Variants in ARMC8 observed in about 807,000 individuals in gnomAD.
ARMC8 encodes armadillo repeat-containing protein 8.
Under a neutral mutation model 99.3 loss-of-function variants are expected in ARMC8, and 20 were observed. The observed-to-expected ratio is 0.20, with a 90% CI of 0.14 to 0.29. ARMC8 has a LOEUF of 0.29. Among genes scored for constraint, ARMC8 ranks in the 10% least tolerant of loss-of-function variants. The pLI is 1.00. For missense variants in ARMC8, 569 were observed against 809.5 expected (o/e 0.70, Z 3.60); for synonymous variants, 263 against 278.3 (o/e 0.95, Z 0.55).
At chr3:138,288,902 G>T in intron 19 of ARMC8, 146 bp from the exon 20 acceptor site, 3 of 607,394 alleles carry the variant, frequency 4.9e-6, no homozygotes, top group Non-Finnish European at 8.8e-6. Context: ...CTCCCAAAGT[G>T]CTGGGATTAC....
At chr3:138,246,331 C>T (rs1302260802) in intron 12 of ARMC8, 4 of 985,232 alleles carry the variant, frequency 4.1e-6, no homozygotes, top group Non-Finnish European at 4.8e-6. Flanking sequence ...TTTAGTGTAT[C>T]CCTATGAAAA....
chr3:138,249,740 G>A (rs111415342), intron 12 of ARMC8, among the ~76,000 whole-genome samples: 4 of 152,226 alleles, frequency 2.6e-5, no homozygotes, highest in African/African-American at 9.6e-5. Flanking sequence ...ACTGGGTAGA[G>A]GGAAGGAGAG....
intron 1 of ARMC8, chr3:138,188,432 T>G (rs907182593): frequency 1.1e-4 from 181 of 1,587,486 alleles, no homozygotes; most frequent in Non-Finnish European, 1.5e-4. Flanking sequence ...CTTTCACCTT[T>G]CACTATGTTG....
At position 138,187,527 on chromosome 3, in the gene ARMC8, C is replaced by G; in HGVS notation, c.-28C>G. On this transcript the variant is annotated 5_prime_UTR_variant, in exon 1 of 22. Coordinates refer to ENST00000469044, the MANE Select transcript of ARMC8 (RefSeq NM_001363941.2). ...AAAGTGCCGGCCCCCGCGCCGGCGCCTGCAGCAGCCGGGTGGGAAGGCTCA... is the reference window on the plus strand; with the variant it reads ...AAAGTGCCGGCCCCCGCGCCGGCGCGTGCAGCAGCCGGGTGGGAAGGCTCA... The G allele has an allele frequency of 6.5e-7, 1 of 1,535,500 alleles. No homozygotes were observed. Among genetic ancestry groups the G allele is most frequent in the Non-Finnish European group, 8.7e-7 (1 of 1,146,470 alleles).
chr3:138,290,491 C>A, intron 20 of ARMC8, 55 bp from the exon 21 acceptor site: 1 of 1,298,856 alleles, frequency 7.7e-7, no homozygotes, highest in Non-Finnish European at 1.1e-6. Flanking sequence ...AATTGTACAT[C>A]AAAGAGAGCA....
chr3:138,290,470 T>C (rs2050830632), intron 20 of ARMC8, 76 bp from the exon 21 acceptor site: 5 of 1,091,042 alleles, frequency 4.6e-6, no homozygotes, highest in Non-Finnish European at 6.8e-6. Context: ...CTGGTAAGGC[T>C]CTAGATTGTT....
chr3:138,234,805 G>A (rs1359106198), intron 6 of ARMC8, among the ~76,000 whole-genome samples: 2 of 152,180 alleles, frequency 1.3e-5, no homozygotes, highest in Non-Finnish European at 2.9e-5. Flanking sequence ...ATATTTCTAG[G>A]AGGTAAAGAG....
intron 12 of ARMC8, chr3:138,245,757 T>C (rs1226839393): frequency 5.1e-6 from 5 of 987,390 alleles, no homozygotes; most frequent in African/African-American, 1.7e-5. Context: ...AGCACCCTTA[T>C]GTTACTAAAG....
intron 7 of ARMC8, among the ~76,000 whole-genome samples, chr3:138,236,093 A>G (rs1162361481): frequency 6.6e-6 from 1 of 152,074 alleles, no homozygotes; most frequent in Non-Finnish European, 1.5e-5. Context: ...GGCGTGAGCC[A>G]CCGTGTCCGG....
chr3:138,238,471 G>A (rs1424231217), intron 9 of ARMC8: 1 of 152,144 alleles, frequency 6.6e-6, no homozygotes, highest in Non-Finnish European at 1.5e-5. Context: ...AGGGTTCTGT[G>A]CTAAGTTTAA....
chr3:138,231,472 A>G lies in ARMC8; in HGVS notation c.528+2462A>G, dbSNP rs569804335. ...AGCTCACTAAAGCATTTGTGTTGCAATATAATCATAATTATATTTTTGAAA... is the reference window on the plus strand; with the variant it reads ...AGCTCACTAAAGCATTTGTGTTGCAGTATAATCATAATTATATTTTTGAAA... On this transcript the variant is annotated intron_variant, in intron 6 of 21. Coordinates refer to ENST00000469044, the MANE Select transcript of ARMC8 (RefSeq NM_001363941.2). Among the ~76,000 whole-genome samples, 121 of 152,292 alleles carry G rather than the reference A, an allele frequency of 7.9e-4. No homozygotes were observed. In the Middle Eastern group the frequency reaches 0.014, roughly 17 times the overall value.
intron 5 of ARMC8, chr3:138,228,660 C>T (rs1401159357): frequency 2.0e-6 from 1 of 487,990 alleles, no homozygotes; most frequent in Non-Finnish European, 4.0e-6. Context: ...AGGATGTAGG[C>T]AATTTTTGAG....
At chr3:138,246,732 G>T (rs1429748205) in intron 12 of ARMC8, 1 of 985,336 alleles carries the variant, frequency 1.0e-6, no homozygotes, top group Non-Finnish European at 1.2e-6. Flanking sequence ...GGCTTAATTT[G>T]TGATATCATG....
intron 12 of ARMC8, among the ~76,000 whole-genome samples, chr3:138,251,850 A>G (rs760657953): frequency 6.6e-6 from 1 of 152,212 alleles, no homozygotes; most frequent in Non-Finnish European, 1.5e-5. Context: ...AGTATGATGG[A>G]CAAGTTGGTT....
chr3:138,195,659 C>T (rs1336440997), intron 1 of ARMC8, among the ~76,000 whole-genome samples: 1 of 151,908 alleles, frequency 6.6e-6, no homozygotes, highest in East Asian at 1.9e-4. Context: ...ACCATCTGTC[C>T]TGTTGGCTTC....
intron 12 of ARMC8, among the ~76,000 whole-genome samples, chr3:138,256,298 A>ATCC (rs1436939420): frequency 4.6e-5 from 7 of 151,078 alleles, no homozygotes; most frequent in Admixed American, 1.3e-4. Flanking sequence ...ACTGGCTGGC[A>ATCC]TCCTCTCTGA....
chr3:138,255,392 CG>C (rs2047344482), intron 12 of ARMC8, among the ~76,000 whole-genome samples: 1 of 151,810 alleles, frequency 6.6e-6, no homozygotes, highest in South Asian at 2.1e-4. Flanking sequence ...TTAGTAGAGA[CG>C]GGGTTTCACT....
At chr3:138,235,364 C>G (rs1488016412) in intron 7 of ARMC8, among the ~76,000 whole-genome samples, 1 of 151,282 alleles carries the variant, frequency 6.6e-6, no homozygotes, top group Non-Finnish European at 1.5e-5. Flanking sequence ...AATTTAAAAT[C>G]TTTTTTGGAT....
chr3:138,230,311 G>A (rs1462764280), intron 6 of ARMC8, among the ~76,000 whole-genome samples: 2 of 152,142 alleles, frequency 1.3e-5, no homozygotes, highest in Non-Finnish European at 2.9e-5. Flanking sequence ...CTTATAGCCA[G>A]CCTGGCAAGT....
Sources: gnomAD v4.1 joint callset for allele counts (sites outside exome capture counted in the v4.1 genomes callset) on GRCh38, gnomAD v4.1.1 for gene constraint, MANE v1.5 for transcripts, NCBI Gene and HGNC (gene_info 2026-07-23, HGNC 2026-07-21) for gene names.